STPG1: variants seen among roughly 807,000 people sequenced by gnomAD.
The protein encoded by STPG1 is sperm tail PG-rich repeat containing 1.
STPG1 carries 33 observed loss-of-function variants against 40.1 expected under a neutral mutation model. The observed-to-expected ratio is 0.82, with a 90% CI of 0.62 to 1.10. The LOEUF (loss-of-function observed/expected upper bound fraction) is 1.10. Ranked by LOEUF, STPG1 falls within the 50% of genes least tolerant of loss-of-function variation. The pLI, the probability that STPG1 is intolerant of heterozygous loss-of-function variation, is 0.00. For synonymous variants in STPG1, 150 were observed against 155.0 expected (o/e 0.97, Z 0.24); for missense variants, 396 against 415.1 (o/e 0.95, Z 0.40).
Position 24,357,044 on chromosome 1 carries a change from AG to A in STPG1, c.*1498del, listed in dbSNP as rs796084354. The A allele has an allele frequency of 2.1e-3, 222 of 104,960 alleles. No individual in the cohort carries two copies. Among genetic ancestry groups the A allele is most frequent in the African/African-American group, 7.7e-3 (204 of 26,484 alleles). 6.5% of individuals were successfully genotyped at this position (104,960 alleles called of 1,614,324 possible). On this transcript the variant is annotated 3_prime_UTR_variant, in exon 9 of 9. Transcript: ENST00000337248. ...GTTTAATGCAATATTTTTAAAATTA[AG>A]GCCCCCCCCCCCAAAAAAAAAATCC...
chr1:24,369,551 C>T, intron 7 of STPG1, 123 bp downstream of exon 7: 2 of 1,006,164 alleles, frequency 2.0e-6, no homozygotes, highest in South Asian at 1.5e-5. Context: ...TGACTAAGGG[C>T]CCCTGAAGAG....
rs1236458985 is a variant in STPG1, at chr1:24,358,154, T to C, written c.*389A>G. 2 of 479,244 alleles carry C rather than the reference T, an allele frequency of 4.2e-6. No individual in the cohort carries two copies. Among genetic ancestry groups the C allele is most frequent in the African/African-American group, 3.9e-5 (2 of 51,254 alleles). The allele number at this position is 479,244 out of a possible 1,614,324, so 29.7% of individuals were successfully genotyped here. A position where few individuals can be genotyped will look rare whatever the true frequency, so the allele number is the denominator to read the frequency against. ...GGAATGAAACAGGGAAGGGTGGGGCTTCCAGGCTTGGCCACCTTCAGGGTG... is the reference window on the plus strand; with the variant it reads ...GGAATGAAACAGGGAAGGGTGGGGCCTCCAGGCTTGGCCACCTTCAGGGTG... On this transcript the variant is annotated 3_prime_UTR_variant, in exon 9 of 9. Coordinates refer to ENST00000337248, the MANE Select transcript of STPG1 (RefSeq NM_001199013.2).
intron 5 of STPG1, among the ~76,000 whole-genome samples, chr1:24,374,254 T>G (rs550792929): frequency 3.0e-4 from 30 of 98,852 alleles, no homozygotes; most frequent in East Asian, 1.3e-3. Flanking sequence ...GTTTTTTTTT[T>G]TTGTTTTTTT....
At chr1:24,395,428 A>AT (rs71577706) in intron 2 of STPG1, among the ~76,000 whole-genome samples, 4,249 of 128,046 alleles carry the variant, frequency 0.033, 235 homozygotes, top group African/African-American at 0.11. Flanking sequence ...AAATTGAACA[A>AT]TTTTTTTTTT....
intron 1 of STPG1, among the ~76,000 whole-genome samples, chr1:24,407,963 T>A (rs181150659): frequency 6.6e-6 from 1 of 152,356 alleles, no homozygotes; most frequent in Non-Finnish European, 1.5e-5. Flanking sequence ...CTGTCATTTT[T>A]AAGTCTGTTC....
At chr1:24,386,851 T>C (rs1642525761) in intron 3 of STPG1, among the ~76,000 whole-genome samples, 1 of 152,002 alleles carries the variant, frequency 6.6e-6, no homozygotes, top group South Asian at 2.1e-4. Flanking sequence ...AACAAAAACA[T>C]GTATGGGGAG....
intron 2 of STPG1, 50 bp from the exon 3 acceptor site, chr1:24,391,729 G>T: frequency 1.5e-6 from 2 of 1,375,388 alleles, no homozygotes; most frequent in Non-Finnish European, 2.0e-6. Context: ...AACAATGATT[G>T]ACAAATGTGG....
chr1:24,391,861 G>T (rs555429968), intron 2 of STPG1, 182 bp from the exon 3 acceptor site: 8 of 1,323,198 alleles, frequency 6.0e-6, no homozygotes, highest in Non-Finnish European at 6.7e-6. Context: ...TTTCCCTCTC[G>T]GCAATTTATC....
At chr1:24,364,143 G>A in intron 7 of STPG1, 1 of 1,470,236 alleles carries the variant, frequency 6.8e-7, no homozygotes, top group Non-Finnish European at 9.0e-7. Context: ...AACTTTCCCT[G>A]CAAACTCGAA....
Position 24,400,035 on chromosome 1 carries a change from G to T in STPG1, c.70+1284C>A, listed in dbSNP as rs545269778. Among the ~76,000 whole-genome samples the T allele has an allele frequency of 1.1e-4, 17 of 152,308 alleles. 1 individual carries two copies. The South Asian group carries it at 2.5e-3, about 22-fold the overall frequency. ...TTCCACTCCTCAGGTATAGACCCAT[G>T]AAATACATAAATATGTGTCCCACAA... On this transcript the variant is annotated intron_variant, in intron 2 of 8. Transcript: ENST00000337248.
chr1:24,364,139 C>A (rs1641295652), intron 7 of STPG1: 1 of 1,470,864 alleles, frequency 6.8e-7, no homozygotes, highest in South Asian at 1.4e-5. Flanking sequence ...CACCAACTTT[C>A]CCTGCAAACT....
intron 4 of STPG1, among the ~76,000 whole-genome samples, chr1:24,382,673 T>G (rs1327133886): frequency 6.6e-6 from 1 of 152,172 alleles, no homozygotes; most frequent in African/African-American, 2.4e-5. Flanking sequence ...TCTTCGGTAA[T>G]GGGGAGTTAA....
Position 24,367,847 on chromosome 1 carries a change from A to T in STPG1, c.737+1827T>A, listed in dbSNP as rs373049016. 2.6e-4 allele frequency among the ~76,000 whole-genome samples: 40 copies of T among 152,176 alleles called. No homozygotes were observed. In the East Asian group the frequency reaches 6.0e-3, roughly 23 times the overall value. ...CTATTTTCCAACATCTTCTCATCGA[A>T]TCTTCATGGAATCCCTACGAGATAA... On this transcript the variant is annotated intron_variant, in intron 7 of 8. Coordinates refer to ENST00000337248, the MANE Select transcript of STPG1 (RefSeq NM_001199013.2).
intron 2 of STPG1, among the ~76,000 whole-genome samples, chr1:24,395,996 T>A (rs993941013): frequency 2.7e-5 from 4 of 149,160 alleles, no homozygotes; most frequent in African/African-American, 9.9e-5. Context: ...AAAAAAAAAA[T>A]TTATGTAAAG....
chr1:24,396,056 T>A (rs1642987003), intron 2 of STPG1, among the ~76,000 whole-genome samples: 1 of 152,018 alleles, frequency 6.6e-6, no homozygotes, highest in Admixed American at 6.5e-5. Context: ...ACAAGTAAAA[T>A]GTTTAACAAC....
Position 24,373,816 on chromosome 1 carries a change from G to C in STPG1, c.463-6C>G. On this transcript the variant is annotated splice_polypyrimidine_tract_variant and splice_region_variant and intron_variant, in intron 5 of 8. Coordinates refer to ENST00000337248, the MANE Select transcript of STPG1 (RefSeq NM_001199013.2). Reference sequence around the variant, plus strand: ...TTGCAGCAAGAGACAGAGGCCTAGGGGGAGAAAATACACCCAATGTACTCA... The same window carrying C: ...TTGCAGCAAGAGACAGAGGCCTAGGCGGAGAAAATACACCCAATGTACTCA... The C allele has an allele frequency of 6.3e-7, 1 of 1,592,420 alleles. No homozygotes were observed. Among genetic ancestry groups the C allele is most frequent in the Middle Eastern group, 1.7e-4 (1 of 6,006 alleles).
At chr1:24,405,521 A>C (rs929058826) in intron 1 of STPG1, among the ~76,000 whole-genome samples, 12 of 152,174 alleles carry the variant, frequency 7.9e-5, no homozygotes, top group African/African-American at 2.9e-4. Flanking sequence ...GATTTTTTAT[A>C]AATGTCAATT....
Position 24,373,767 on chromosome 1 carries a change from C to T in STPG1, c.506G>A (p.Arg169Gln), listed in dbSNP as rs776220476. Reference sequence around the variant, plus strand: ...TTGGGTTTTTGACATAAACCCGGCTCGAGTACAGACGTTGTTTCTCTGCTT... The same window carrying T: ...TTGGGTTTTTGACATAAACCCGGCTTGAGTACAGACGTTGTTTCTCTGCTT... ...CCKQRNNVCT[R>Q]AGFMSKTQRG... Residue 169 changes from arginine to glutamine, a missense_variant, in exon 6 of 9, where the codon CGA (arginine) becomes CAA (glutamine). Transcript: ENST00000337248. 5.0e-5 allele frequency: 81 copies of T among 1,611,824 alleles called. No homozygotes were observed. The Middle Eastern group carries it at 1.5e-3, about 29-fold the overall frequency.
At chr1:24,375,161 G>A (rs1046652045) in intron 5 of STPG1, among the ~76,000 whole-genome samples, 11 of 152,128 alleles carry the variant, frequency 7.2e-5, no homozygotes, top group South Asian at 2.1e-4. Flanking sequence ...TTGAGAGTGC[G>A]CGATGTGTTC....
Sources: gnomAD v4.1 joint callset for allele counts (sites outside exome capture counted in the v4.1 genomes callset) on GRCh38, gnomAD v4.1.1 for gene constraint, MANE v1.5 for transcripts, NCBI Gene and HGNC (gene_info 2026-07-23, HGNC 2026-07-21) for gene names.